RORA: variants seen among roughly 807,000 people sequenced by gnomAD.
RORA encodes RAR related orphan receptor A.
A neutral mutation model predicts 69.5 loss-of-function variants in RORA; 7 were observed. The ratio of observed to expected loss-of-function variants is 0.10; its 90% confidence interval spans 0.06 to 0.19. The LOEUF is 0.19. Ranked by LOEUF, RORA falls within the 10% of genes least tolerant of loss-of-function variation. The pLI, the probability that RORA is intolerant of heterozygous loss-of-function variation, is 1.00. For synonymous variants in RORA, 261 were observed against 240.8 expected (o/e 1.08, Z -0.78); for missense variants, 457 against 663.0 (o/e 0.69, Z 3.41).
intron 2 of RORA, among the ~76,000 whole-genome samples, chr15:60,570,513 C>T (rs1431022192): frequency 6.6e-6 from 1 of 151,832 alleles, no homozygotes; most frequent in Non-Finnish European, 1.5e-5. Flanking sequence ...TTATTATCAT[C>T]ATTATTTTGT....
chr15:60,636,356 GA>G (rs1215810213), intron 2 of RORA, among the ~76,000 whole-genome samples: 1 of 152,168 alleles, frequency 6.6e-6, no homozygotes, highest in Non-Finnish European at 1.5e-5. Flanking sequence ...AAGAGAAGAG[GA>G]AACTAAAACC....
At chr15:60,629,272 C>T (rs2069676815) in intron 2 of RORA, among the ~76,000 whole-genome samples, 2 of 146,212 alleles carry the variant, frequency 1.4e-5, no homozygotes, top group Admixed American at 6.8e-5. Flanking sequence ...CTGCAACCTC[C>T]GCCTCCTGGG....
intron 1 of RORA, among the ~76,000 whole-genome samples, chr15:60,718,969 A>G (rs2071255792): frequency 1.3e-5 from 2 of 151,976 alleles, no homozygotes; most frequent in Admixed American, 1.3e-4. Flanking sequence ...TGAGGTGTAG[A>G]GGTCAGAGTT....
chr15:61,048,700 T>C (rs983576109), intron 1 of RORA, among the ~76,000 whole-genome samples: 2 of 152,152 alleles, frequency 1.3e-5, no homozygotes, highest in East Asian at 1.9e-4. Flanking sequence ...ACAGGACCCA[T>C]AGAGTCCCCC....
chr15:61,079,295 AAC>A (rs1227786594), intron 1 of RORA, among the ~76,000 whole-genome samples: 3 of 152,264 alleles, frequency 2.0e-5, no homozygotes, highest in South Asian at 2.1e-4. Flanking sequence ...GGAAATGTAT[AAC>A]AGTGATACTA....
chr15:61,118,070 C>G (rs1250053079), intron 1 of RORA, among the ~76,000 whole-genome samples: 2 of 152,132 alleles, frequency 1.3e-5, no homozygotes, highest in Non-Finnish European at 2.9e-5. Flanking sequence ...CAGAGAAATG[C>G]TAGATATGGT....
At chr15:60,821,933 C>A (rs186072689) in intron 1 of RORA, among the ~76,000 whole-genome samples, 1,867 of 152,218 alleles carry the variant, frequency 0.012, 19 homozygotes, top group Non-Finnish European at 0.016. Flanking sequence ...GACTCCTGAG[C>A]CTCATACTAA....
Position 61,226,336 on chromosome 15 carries a change from T to C in RORA, c.166+2717A>G, listed in dbSNP as rs1200885294. On this transcript the variant is annotated intron_variant, in intron 1 of 10. Transcript: ENST00000335670. This position sits in a 1 kb window ranked among gnomAD's most constrained non-coding sequence, Gnocchi z 4.2. ...AATGCTAATCATAAGGTGATGATGT[T>C]TGCTTTTCCTTTCTAGTTGTGTGCC... Among the ~76,000 whole-genome samples the C allele has an allele frequency of 6.6e-6, 1 of 152,204 alleles. No individual in the cohort carries two copies. Among genetic ancestry groups the C allele is most frequent in the Admixed American group, 6.5e-5 (1 of 15,282 alleles).
At chr15:61,038,101 T>C (rs1193661957) in intron 1 of RORA, among the ~76,000 whole-genome samples, 1 of 152,224 alleles carries the variant, frequency 6.6e-6, no homozygotes, top group African/African-American at 2.4e-5. Flanking sequence ...TATTCTGATC[T>C]TCTTCAAAGA....
intron 1 of RORA, among the ~76,000 whole-genome samples, chr15:60,883,375 T>C (rs914460833): frequency 2.0e-5 from 3 of 152,190 alleles, no homozygotes; most frequent in Non-Finnish European, 4.4e-5. Context: ...TAATAAATTA[T>C]AGTTTGAACA....
intron 1 of RORA, among the ~76,000 whole-genome samples, chr15:60,919,969 A>C (rs1331663658): frequency 1.3e-5 from 2 of 152,238 alleles, no homozygotes; most frequent in African/African-American, 4.8e-5. Context: ...TAGAACGTAC[A>C]GAAGAGCCAG....
At chr15:60,738,135 A>G (rs990013631) in intron 1 of RORA, among the ~76,000 whole-genome samples, 1 of 152,204 alleles carries the variant, frequency 6.6e-6, no homozygotes, top group Non-Finnish European at 1.5e-5. Flanking sequence ...CAGTTCCACA[A>G]GGGATAAGCC....
At chr15:61,211,894 G>A (rs2079995394) in intron 1 of RORA, 1 of 152,184 alleles carries the variant, frequency 6.6e-6, no homozygotes, top group Non-Finnish European at 1.5e-5. Flanking sequence ...CTAGAAAACT[G>A]TTAAGTGCCA....
intron 1 of RORA, among the ~76,000 whole-genome samples, chr15:60,947,052 C>T (rs1351337574): frequency 1.4e-4 from 12 of 86,890 alleles, no homozygotes; most frequent in Non-Finnish European, 3.7e-4. Flanking sequence ...CCGCCCCGTC[C>T]GGGAGGGAGG....
At chr15:61,220,590 T>C (rs1460137248) in intron 1 of RORA, among the ~76,000 whole-genome samples, 2 of 152,190 alleles carry the variant, frequency 1.3e-5, no homozygotes, top group African/African-American at 2.4e-5. Flanking sequence ...TCTCTGTCTT[T>C]GTCCATTTCT....
chr15:61,155,018 A>G (rs1474101176), intron 1 of RORA, among the ~76,000 whole-genome samples: 2 of 112,392 alleles, frequency 1.8e-5, no homozygotes, highest in Non-Finnish European at 4.6e-5. Flanking sequence ...TACATTGTGG[A>G]GTTCTAATAT....
Position 60,774,486 on chromosome 15 carries a change from T to C in RORA, c.167-95800A>G, listed in dbSNP as rs185352121. ...CCCTTCCTAAGGACTCTTCCTCACA[T>C]GGCTGTGGGTATTCCCGCTTCTGCT... is the stretch of plus-strand genomic sequence containing the variant. On this transcript the variant is annotated intron_variant, in intron 1 of 10. Coordinates refer to ENST00000335670, the MANE Select transcript of RORA (RefSeq NM_134261.3). Among the ~76,000 whole-genome samples the C allele has an allele frequency of 1.2e-3, 179 of 152,320 alleles. 4 individuals carry two copies. The East Asian group carries it at 0.022, about 19-fold the overall frequency.
chr15:60,742,422 A>G (rs929569925), intron 1 of RORA, among the ~76,000 whole-genome samples: 3 of 152,246 alleles, frequency 2.0e-5, no homozygotes. Flanking sequence ...TGATATATGT[A>G]TACACAGTCG....
intron 2 of RORA, among the ~76,000 whole-genome samples, chr15:60,659,347 C>T (rs762909677): frequency 8.5e-5 from 13 of 152,206 alleles, no homozygotes; most frequent in Non-Finnish European, 1.6e-4. Flanking sequence ...ACACATTACA[C>T]TGCCCTGAGA....
Sources: allele counts gnomAD v4.1 joint callset (sites outside exome capture counted in the v4.1 genomes callset), GRCh38; gene constraint gnomAD v4.1.1; non-coding constraint Gnocchi (gnomAD v3.1); transcripts MANE v1.5; gene names NCBI Gene and HGNC (gene_info 2026-07-23, HGNC 2026-07-21).